The following ZNF81 variants were observed in gnomAD, a reference collection of about 807,000 sequenced individuals.
ZNF81 encodes zinc finger protein 81.
A neutral mutation model predicts 32.3 loss-of-function variants in ZNF81; 5 were observed. That is an observed-to-expected ratio of 0.15 (90% CI 0.08 to 0.33). The LOEUF (loss-of-function observed/expected upper bound fraction) is 0.33. Among genes scored for constraint, ZNF81 ranks in the 10% least tolerant of loss-of-function variants. ZNF81 has a pLI of 1.00. For synonymous variants in ZNF81, 163 were observed against 166.8 expected (o/e 0.98, Z 0.17); for missense variants, 379 against 479.8 (o/e 0.79, Z 1.96).
Position 47,915,410 on chromosome X carries a change from T to G in ZNF81, c.764T>G (p.Leu255Arg). 8.3e-7 allele frequency: 1 copy of G among 1,211,737 alleles called. No homozygotes were observed. The highest frequency in any genetic ancestry group is 1.1e-6 in the Non-Finnish European group (1 of 895,506). ...FCERNQCGKVLSLKHSLSQNV... is the reference protein window; with the variant it reads ...FCERNQCGKVRSLKHSLSQNV... ...GAACGTAATCAATGTGGAAAAGTCC[T>G]CAGCCTCAAACACTCACTCAGTCAA... Residue 255 changes from leucine (L) to arginine (R), a missense_variant, in exon 5 of 5, where the codon CTC becomes CGC. Transcript: ENST00000338637.
At chrX:47,852,485 A>C (rs1224113753) in intron 2 of ZNF81, among the ~76,000 whole-genome samples, 1 of 112,136 alleles carries the variant, frequency 8.9e-6, no homozygotes, top group African/African-American at 3.2e-5. Context: ...AGTTTATGTA[A>C]TATTCTAAAT....
At position 47,916,619 on chromosome X, in the gene ZNF81, A is replaced by G; in HGVS notation, c.1973A>G (p.Asn658Ser). 1.7e-6 allele frequency: 2 copies of G among 1,202,036 alleles called. No individual in the cohort carries two copies. Among genetic ancestry groups the G allele is most frequent in the Non-Finnish European group, 2.2e-6 (2 of 891,957 alleles). Residue 658 changes from asparagine (N) to serine (S), a missense_variant, in exon 5 of 5, where the codon AAT becomes AGT. Asn to Ser is a conservative substitution (Grantham distance 46). Coordinates refer to ENST00000338637, the MANE Select transcript of ZNF81 (RefSeq NM_007137.5). Reference sequence around the variant, plus strand: ...AAATCAGTTCTCAGTATGCATCGCAATATTCATACATGAAAGTAATCCTGT... The same window carrying G: ...AAATCAGTTCTCAGTATGCATCGCAGTATTCATACATGAAAGTAATCCTGT... ...TQKSVLSMHR[N>S]IHT
rs1556892404 is a variant in ZNF81, at chrX:47,924,303, T to C, written c.*7671T>C. Among the ~76,000 whole-genome samples, 1 of 112,116 alleles carries C rather than the reference T, an allele frequency of 8.9e-6. No individual in the cohort carries two copies. Among genetic ancestry groups the C allele is most frequent in the East Asian group, 2.8e-4 (1 of 3,602 alleles). ...AAAATTGAGTGATGTTATTAAGAAGTCTTAGACAAACTTGCTCTCTTTTTT... is the reference window on the plus strand; with the variant it reads ...AAAATTGAGTGATGTTATTAAGAAGCCTTAGACAAACTTGCTCTCTTTTTT... On this transcript the variant is annotated 3_prime_UTR_variant, in exon 5 of 5. Transcript: ENST00000338637.
intron 2 of ZNF81, among the ~76,000 whole-genome samples, chrX:47,865,994 A>G (rs966626544): frequency 8.9e-6 from 1 of 112,259 alleles, no homozygotes; most frequent in Non-Finnish European, 1.9e-5. Flanking sequence ...CAGAGGGTAG[A>G]GGTGGTCACA....
At chrX:47,911,950 A>G (rs1246882348) in intron 4 of ZNF81, among the ~76,000 whole-genome samples, 1 of 109,877 alleles carries the variant, frequency 9.1e-6, no homozygotes, top group African/African-American at 3.4e-5. Flanking sequence ...AATAAACTGG[A>G]CTCTTTTGAG....
rs1263126470 is a variant in ZNF81, at chrX:47,916,920, A to T, written c.*288A>T. On this transcript the variant is annotated 3_prime_UTR_variant, in exon 5 of 5. Transcript: ENST00000338637. ...GAAAAGCCTTCCTATAGAAAGTATT[A>T]TAAGTTAAATTGTTACCAAATTCTT... The T allele has an allele frequency of 3.5e-6, 1 of 284,564 alleles. No individual in the cohort carries two copies. The highest frequency in any genetic ancestry group is 1.4e-4 in the South Asian group (1 of 6,995). The allele number at this position is 284,564 out of a possible 1,213,427, so 23.5% of individuals were successfully genotyped here. A position where few individuals can be genotyped will look rare whatever the true frequency, so the allele number is the denominator to read the frequency against.
chrX:47,887,078 CT>C (rs782735129), intron 2 of ZNF81, among the ~76,000 whole-genome samples: 133 of 111,449 alleles, frequency 1.2e-3, no homozygotes, highest in African/African-American at 4.0e-3. Flanking sequence ...GTTGAAAAGA[CT>C]TCACTTTCGC....
chrX:47,850,899 A>G (rs868915427), intron 2 of ZNF81, among the ~76,000 whole-genome samples: 2 of 47,395 alleles, frequency 4.2e-5, no homozygotes, highest in Non-Finnish European at 1.1e-4. Flanking sequence ...GCGCACACAC[A>G]CACACACACA....
chrX:47,890,941 A>G (rs911993253), intron 3 of ZNF81, among the ~76,000 whole-genome samples: 1 of 111,864 alleles, frequency 8.9e-6, no homozygotes, highest in Admixed American at 9.5e-5. Context: ...CCACTCTCTG[A>G]TATGTAAATA....
In ZNF81 at chrX:47,914,998, G is replaced by C; in HGVS notation, c.352G>C (p.Glu118Gln). The change falls in exon 5 of 5, where the codon GAA becomes CAA. Residue 118 changes from glutamate to glutamine, a missense_variant. Physicochemically the swap from Glu to Gln is conservative, Grantham distance 29 (BLOSUM62 2). Around this residue, in one of 2 missense-constraint regions of ZNF81, gnomAD observed 277 missense variants for 306.6 expected, o/e 0.90. Coordinates refer to ENST00000338637, the MANE Select transcript of ZNF81 (RefSeq NM_007137.5). ...TACATTTCATAGTGAAATGGAGGGT[G>C]AAGACACAAGAGATGATTCATTATA... Reference protein sequence around the residue: ...KSTFHSEMEGEDTRDDSLYSI... With the variant: ...KSTFHSEMEGQDTRDDSLYSI... 1 of 1,206,112 alleles carries C rather than the reference G, an allele frequency of 8.3e-7. No individual in the cohort carries two copies. Among genetic ancestry groups the C allele is most frequent in the Middle Eastern group, 2.3e-4 (1 of 4,301 alleles).
intron 4 of ZNF81, among the ~76,000 whole-genome samples, chrX:47,900,549 A>G (rs1431888650): frequency 4.5e-5 from 5 of 112,336 alleles, no homozygotes; most frequent in African/African-American, 6.5e-5. Context: ...AAAACTAGCT[A>G]CTGAAGATGC....
intron 2 of ZNF81, among the ~76,000 whole-genome samples, chrX:47,875,932 C>T (rs1175997316): frequency 8.9e-6 from 1 of 112,158 alleles, no homozygotes; most frequent in Non-Finnish European, 1.9e-5. Context: ...GATGACTTGA[C>T]AGCACCATTT....
At chrX:47,891,264 T>A (rs2058661388) in intron 3 of ZNF81, among the ~76,000 whole-genome samples, 1 of 112,853 alleles carries the variant, frequency 8.9e-6, no homozygotes, top group Admixed American at 9.3e-5. Flanking sequence ...GCTCAAGCAA[T>A]GAAACCACAT....
intron 2 of ZNF81, among the ~76,000 whole-genome samples, chrX:47,849,672 CAAA>C (rs1174293911): frequency 4.8e-5 from 3 of 62,489 alleles, no homozygotes; most frequent in Admixed American, 1.9e-4. Flanking sequence ...GACTCCGTCT[CAAA>C]AAAAAAAAAA....
At chrX:47,892,141 C>T (rs782568404) in intron 3 of ZNF81, among the ~76,000 whole-genome samples, 3 of 112,064 alleles carry the variant, frequency 2.7e-5, no homozygotes, top group African/African-American at 9.7e-5. Flanking sequence ...CCATGATCAA[C>T]TAGCCAGTGC....
intron 2 of ZNF81, among the ~76,000 whole-genome samples, chrX:47,858,551 T>A (rs973848453): frequency 9.8e-5 from 11 of 111,796 alleles, no homozygotes; most frequent in African/African-American, 3.6e-4. Flanking sequence ...TTCCTTTGTC[T>A]TGTTTCATTC....
Position 47,915,300 on chromosome X carries a change from T to A in ZNF81, c.654T>A (p.Asp218Glu). The change falls in exon 5 of 5, where the codon GAT becomes GAA. Residue 218 changes from aspartate to glutamate, a missense_variant. Around this residue, in one of 2 missense-constraint regions of ZNF81, gnomAD observed 277 missense variants for 306.6 expected, o/e 0.90. Coordinates refer to ENST00000338637, the MANE Select transcript of ZNF81 (RefSeq NM_007137.5). ...AAAGCAATGCAGCAAAGAACCTGGA[T>A]AAAACTATTGGGCATGGTCAAGTTT... ...HNKSNAAKNL[D>E]KTIGHGQVFT... is the part of the protein sequence containing the mutation. 8.3e-7 allele frequency: 1 copy of A among 1,211,808 alleles called. No individual in the cohort carries two copies. Among genetic ancestry groups the A allele is most frequent in the Non-Finnish European group, 1.1e-6 (1 of 895,529 alleles).
At chrX:47,864,681 C>G (rs1386787454) in intron 2 of ZNF81, among the ~76,000 whole-genome samples, 1 of 111,873 alleles carries the variant, frequency 8.9e-6, no homozygotes, top group Non-Finnish European at 1.9e-5. Flanking sequence ...ATCCAGGCAG[C>G]AGTGACTTTA....
intron 2 of ZNF81, among the ~76,000 whole-genome samples, chrX:47,856,803 G>T (rs1402877604): frequency 9.0e-6 from 1 of 111,348 alleles, no homozygotes; most frequent in Non-Finnish European, 1.9e-5. Flanking sequence ...AAATTAGATG[G>T]TGCTCACCTG....
Sources: gnomAD v4.1 joint callset for allele counts (sites outside exome capture counted in the v4.1 genomes callset) on GRCh38, gnomAD v4.1.1 for gene constraint, gnomAD v4.1.1 regional missense constraint, MANE v1.5 for transcripts, NCBI Gene and HGNC (gene_info 2026-07-23, HGNC 2026-07-21) for gene names.